Variants in SLCO3A1 observed in about 807,000 individuals in gnomAD.
The protein encoded by SLCO3A1 is solute carrier organic anion transporter family member 3A1, also known as PGE1 transporter.
In SLCO3A1, 27 loss-of-function variants were observed where a neutral mutation model predicts 63.1. That is an observed-to-expected ratio of 0.43 (90% confidence interval 0.32 to 0.59). SLCO3A1 has a LOEUF of 0.59. Among genes scored for constraint, SLCO3A1 ranks in the 20% least tolerant of loss-of-function variants. SLCO3A1 has a pLI of 0.09. For synonymous variants in SLCO3A1, 473 were observed against 409.9 expected (o/e 1.15, Z -1.86); for missense variants, 773 against 945.8 (o/e 0.82, Z 2.40).
intron 7 of SLCO3A1, among the ~76,000 whole-genome samples, chr15:92,130,315 C>G (rs1272113847): frequency 6.6e-6 from 1 of 152,254 alleles, no homozygotes; most frequent in Admixed American, 6.5e-5. Context: ...CTGCTTACCT[C>G]TGGACCTACT....
At chr15:92,099,795 C>T (rs1478717173) in intron 3 of SLCO3A1, among the ~76,000 whole-genome samples, 1 of 152,138 alleles carries the variant, frequency 6.6e-6, no homozygotes, top group Admixed American at 6.5e-5. Context: ...GGCATAGTGG[C>T]TCTCACCTGT....
intron 2 of SLCO3A1, among the ~76,000 whole-genome samples, chr15:91,932,424 A>C (rs903677094): frequency 2.0e-5 from 3 of 152,086 alleles, no homozygotes. Context: ...TTTTGAAGCA[A>C]ATTTTAGATA....
chr15:91,898,714 C>T (rs902888389), intron 1 of SLCO3A1, among the ~76,000 whole-genome samples: 3 of 151,622 alleles, frequency 2.0e-5, no homozygotes, highest in Admixed American at 1.3e-4. Context: ...AAAATTACTT[C>T]TGGGTGGGGG....
intron 2 of SLCO3A1, among the ~76,000 whole-genome samples, chr15:92,073,158 G>C (rs1011121742): frequency 2.0e-5 from 3 of 152,128 alleles, no homozygotes; most frequent in Non-Finnish European, 4.4e-5. Context: ...GCTGGGAAAT[G>C]GGCCTGGAGT....
At chr15:92,142,941 A>C (rs1348708718) in intron 7 of SLCO3A1, among the ~76,000 whole-genome samples, 1 of 152,120 alleles carries the variant, frequency 6.6e-6, no homozygotes, top group African/African-American at 2.4e-5. Flanking sequence ...CAGCAATTGC[A>C]GATGACTTGT....
intron 1 of SLCO3A1, among the ~76,000 whole-genome samples, chr15:91,855,772 A>G (rs553725210): frequency 5.4e-4 from 82 of 152,194 alleles, no homozygotes; most frequent in Non-Finnish European, 1.1e-3. Context: ...GTACTGTGAC[A>G]TATGCAAAGT....
chr15:92,034,695 G>A (rs1231972169), intron 2 of SLCO3A1, among the ~76,000 whole-genome samples: 1 of 151,804 alleles, frequency 6.6e-6, no homozygotes, highest in Admixed American at 6.6e-5. Flanking sequence ...GGATGGATCA[G>A]GTCAGGTGAC....
At chr15:91,959,027 C>G (rs1900338988) in intron 2 of SLCO3A1, among the ~76,000 whole-genome samples, 1 of 152,122 alleles carries the variant, frequency 6.6e-6, no homozygotes, top group African/African-American at 2.4e-5. Context: ...CCTAACTGCC[C>G]CTCAACCAAG....
chr15:91,969,628 C>G (rs1340304030), intron 2 of SLCO3A1, among the ~76,000 whole-genome samples: 3 of 152,140 alleles, frequency 2.0e-5, no homozygotes, highest in Non-Finnish European at 4.4e-5. Flanking sequence ...TTATTGTTGT[C>G]TTTCTATCAA....
chr15:91,892,215 A>G (rs1897888383), intron 1 of SLCO3A1, among the ~76,000 whole-genome samples: 1 of 152,218 alleles, frequency 6.6e-6, no homozygotes, highest in South Asian at 2.1e-4. Context: ...TAAGAAGATG[A>G]TGGTTCTTGA....
At chr15:92,135,100 G>A (rs1337734868) in intron 7 of SLCO3A1, among the ~76,000 whole-genome samples, 1 of 152,200 alleles carries the variant, frequency 6.6e-6, no homozygotes, top group Non-Finnish European at 1.5e-5. Context: ...CCGGAAGAGT[G>A]CACAGGCTGA....
intron 2 of SLCO3A1, among the ~76,000 whole-genome samples, chr15:91,999,988 A>G (rs1214578408): frequency 1.3e-5 from 2 of 152,222 alleles, no homozygotes; most frequent in Non-Finnish European, 2.9e-5. Context: ...GTAGATTTAA[A>G]AAGTATTTGA....
intron 1 of SLCO3A1, among the ~76,000 whole-genome samples, chr15:91,868,759 T>C (rs1273699600): frequency 6.6e-6 from 1 of 152,200 alleles, no homozygotes; most frequent in Non-Finnish European, 1.5e-5. Flanking sequence ...TCCAAAGTAC[T>C]CAGCCCGTGC....
rs74030481 is a variant in SLCO3A1, at chr15:92,102,319, A to T, written c.746-1960A>T. On this transcript the variant is annotated intron_variant, in intron 3 of 9. Transcript: ENST00000318445. ...TTTCAAGATCACCTTGTGTTTTCCC[A>T]TGCTGTACCCTTTTTTAAAAAGATC... Among the ~76,000 whole-genome samples the T allele has an allele frequency of 3.9e-3, 591 of 152,238 alleles. 1 individual carries two copies. Among genetic ancestry groups the T allele is most frequent in the African/African-American group, 0.014 (571 of 41,542 alleles).
Position 91,883,673 on chromosome 15 carries a change from C to T in SLCO3A1, c.180+29585C>T, listed in dbSNP as rs769649865. Among the ~76,000 whole-genome samples, 3 of 152,058 alleles carry T rather than the reference C, an allele frequency of 2.0e-5. No homozygotes were observed. The highest frequency in any genetic ancestry group is 4.4e-5 in the Non-Finnish European group (3 of 68,002). ...GCAATGCATTGATACATTGTTCATA[C>T]GCTCATAATTAGTTCATGTGTTTTG... On this transcript the variant is annotated intron_variant, in intron 1 of 9. Coordinates refer to ENST00000318445, the MANE Select transcript of SLCO3A1 (RefSeq NM_013272.4). The surrounding 1 kb of genome is among the most constrained non-coding windows in gnomAD (Gnocchi z 4.8).
intron 2 of SLCO3A1, among the ~76,000 whole-genome samples, chr15:92,088,993 TTTATTTATTTATTTA>T (rs1326705562): frequency 7.0e-5 from 6 of 85,626 alleles, no homozygotes; most frequent in Non-Finnish European, 1.1e-4. Context: ...TTACCCCAGC[TTTATTTATTTATTTA>T]TTATTTATTT....
intron 1 of SLCO3A1, among the ~76,000 whole-genome samples, chr15:91,909,414 A>G (rs970028925): frequency 2.0e-5 from 3 of 152,198 alleles, no homozygotes; most frequent in African/African-American, 7.2e-5. Context: ...TATGGCCTAA[A>G]TATCTACTGA....
intron 2 of SLCO3A1, among the ~76,000 whole-genome samples, chr15:92,047,518 C>T (rs11633797): frequency 0.6 from 11,084 of 18,566 alleles, 3,990 homozygotes; most frequent in Admixed American, 0.62. Context: ...TATATAAATA[C>T]ATAAATAAAT....
rs1898515409 is a variant in SLCO3A1, at chr15:91,912,421, C to T, written c.181-3572C>T. 6.6e-6 allele frequency among the ~76,000 whole-genome samples: 1 copy of T among 152,136 alleles called. No homozygotes were observed. The highest frequency in any genetic ancestry group is 1.5e-5 in the Non-Finnish European group (1 of 68,028). On this transcript the variant is annotated intron_variant, in intron 1 of 9. Coordinates refer to ENST00000318445, the MANE Select transcript of SLCO3A1 (RefSeq NM_013272.4). The surrounding 1 kb of genome is among the most constrained non-coding windows in gnomAD (Gnocchi z 5.0). Reference sequence around the variant, plus strand: ...GAAAGACCGTACTACTTCCTGTCACCCCTGTGCGTTGCTCTGCAAAGAGCA... The same window carrying T: ...GAAAGACCGTACTACTTCCTGTCACTCCTGTGCGTTGCTCTGCAAAGAGCA...
Sources: allele counts gnomAD v4.1 joint callset (sites outside exome capture counted in the v4.1 genomes callset), GRCh38; gene constraint gnomAD v4.1.1; non-coding constraint Gnocchi (gnomAD v3.1); transcripts MANE v1.5; gene names NCBI Gene and HGNC (gene_info 2026-07-23, HGNC 2026-07-21).